RPN2: variants seen among roughly 807,000 people sequenced by gnomAD.
RPN2 encodes the protein dolichyl-diphosphooligosaccharide--protein glycosyltransferase subunit 2.
In RPN2, 29 loss-of-function variants were observed where a neutral mutation model predicts 71.4. That is an observed-to-expected ratio of 0.41 (90% CI 0.30 to 0.55). RPN2 has a LOEUF of 0.55. Ranked by LOEUF, RPN2 falls within the 20% of genes least tolerant of loss-of-function variation. The probability of loss-of-function intolerance (pLI) is 0.35; values close to 1 mark genes in which losing one functional copy is unlikely to be tolerated. For synonymous variants in RPN2, 308 were observed against 305.0 expected (o/e 1.01, Z -0.10); for missense variants, 726 against 774.1 (o/e 0.94, Z 0.74).
Position 37,241,374 on chromosome 20 carries a change from A to AT in RPN2, c.*61dup, listed in dbSNP as rs1466687309. ...ATGTCAAGAAAAGGAGTCAAGAACA[A>AT]TTCACAGTATGAGAAGAAAAATGGA... is the stretch of plus-strand genomic sequence containing the variant. On this transcript the variant is annotated 3_prime_UTR_variant, in exon 17 of 17. Transcript: ENST00000237530. 1 of 1,579,272 alleles carries AT rather than the reference A, an allele frequency of 6.3e-7. No individual in the cohort carries two copies. The highest frequency in any genetic ancestry group is 8.7e-7 in the Non-Finnish European group (1 of 1,151,610).
chr20:37,203,962 T>C lies in RPN2; in HGVS notation c.555+2T>C. 6.2e-7 allele frequency: 1 copy of C among 1,611,346 alleles called. No homozygotes were observed. Among genetic ancestry groups the C allele is most frequent in the Non-Finnish European group, 8.5e-7 (1 of 1,177,588 alleles). Reference sequence around the variant, plus strand: ...AGGAGCATCGTGGAGGAGATTGAGGTGTGAATCTTTTGCCAAATGCATCTC... The same window carrying C: ...AGGAGCATCGTGGAGGAGATTGAGGCGTGAATCTTTTGCCAAATGCATCTC... On this transcript the variant is annotated splice_donor_variant, in intron 5 of 16. Coordinates refer to ENST00000237530, the MANE Select transcript of RPN2 (RefSeq NM_002951.5). LOFTEE classifies it high-confidence loss of function.
chr20:37,230,065 T>A lies in RPN2; in HGVS notation c.1581+6T>A. The A allele has an allele frequency of 6.2e-7, 1 of 1,608,686 alleles. No homozygotes were observed. Among genetic ancestry groups the A allele is most frequent in the Non-Finnish European group, 8.5e-7 (1 of 1,175,012 alleles). On this transcript the variant is annotated splice_donor_region_variant and intron_variant, in intron 13 of 16. Coordinates refer to ENST00000237530, the MANE Select transcript of RPN2 (RefSeq NM_002951.5). ...CTCCAAAACAGGAAATTCAGGTATA[T>A]CCCAAAGGGCCTATCCACTAAACGT... is the stretch of plus-strand genomic sequence containing the variant.
chr20:37,203,864 G>A, intron 4 of RPN2, 21 bp from the exon 5 acceptor site: 1 of 1,591,292 alleles, frequency 6.3e-7, no homozygotes, highest in South Asian at 1.1e-5. Context: ...ATTCATTGGG[G>A]TTCTACTCTT....
At chr20:37,180,808 A>G (rs923885396) in intron 1 of RPN2, among the ~76,000 whole-genome samples, 19 of 152,246 alleles carry the variant, frequency 1.2e-4, no homozygotes, top group African/African-American at 4.6e-4. Context: ...TTATGGCGGT[A>G]GTCTCCCAAC....
In RPN2 at chr20:37,182,362, G is replaced by A. The variant is rs138231160; in HGVS notation, c.14-1818G>A. 4.9e-3 allele frequency among the ~76,000 whole-genome samples: 741 copies of A among 152,118 alleles called. 8 individuals carry two copies. The highest frequency in any genetic ancestry group is 0.017 in the African/African-American group (705 of 41,482). ...GCCCACCTCGGCCTCCCAAAGTGCT[G>A]GGATTACAGGCGTGAGCTACTGTGC... On this transcript the variant is annotated intron_variant, in intron 1 of 16. Transcript: ENST00000237530.
rs1600838784 is a variant in RPN2 at position 37,230,148 on chromosome 20, T to A, written c.1581+89T>A. On this transcript the variant is annotated intron_variant, in intron 13 of 16. Coordinates refer to ENST00000237530, the MANE Select transcript of RPN2 (RefSeq NM_002951.5). ...TGGCTCTGCTCCCTTTAACTTGTTT[T>A]GTGATGTTTTATAGTTTGATCCTCA... The A allele has an allele frequency of 8.7e-6, 9 of 1,028,784 alleles. No homozygotes were observed. The East Asian group carries it at 9.5e-5, about 11-fold the overall frequency. The allele number at this position is 1,028,784 out of a possible 1,614,324, so 63.7% of individuals were successfully genotyped here.
At position 37,223,975 on chromosome 20, in the gene RPN2, T is replaced by A; in HGVS notation, c.1184+6T>A. 6.2e-7 allele frequency: 1 copy of A among 1,612,666 alleles called. No individual in the cohort carries two copies. The highest frequency in any genetic ancestry group is 8.5e-7 in the Non-Finnish European group (1 of 1,178,770). ...ATTGCACCCAAAACTACCCGGTAGG[T>A]GAGATGCCACCTGATCACTCAGGGA... On this transcript the variant is annotated splice_donor_region_variant and intron_variant, in intron 10 of 16. Coordinates refer to ENST00000237530, the MANE Select transcript of RPN2 (RefSeq NM_002951.5).
chr20:37,241,301 A>G lies in RPN2; in HGVS notation c.1884-2A>G, dbSNP rs536537245. On this transcript the variant is annotated splice_acceptor_variant, in intron 16 of 16. Transcript: ENST00000237530. LOFTEE classifies it high-confidence loss of function. Reference sequence around the variant, plus strand: ...TCTGTGTTTGTCTCCATTTTCTTTCAGAACAGCACATTAGTTCCAGAAGAA... The same window carrying G: ...TCTGTGTTTGTCTCCATTTTCTTTCGGAACAGCACATTAGTTCCAGAAGAA... 53 of 1,612,716 alleles carry G rather than the reference A, an allele frequency of 3.3e-5. No individual in the cohort carries two copies. In the South Asian group the frequency reaches 3.7e-4, roughly 11 times the overall value.
intron 9 of RPN2, among the ~76,000 whole-genome samples, chr20:37,218,942 A>G (rs572599551): frequency 6.6e-6 from 1 of 152,228 alleles, no homozygotes; most frequent in East Asian, 1.9e-4. Context: ...CATTTGAGGT[A>G]TTTCTCTTTT....
chr20:37,239,210 A>G (rs990270742), intron 16 of RPN2, among the ~76,000 whole-genome samples: 1 of 152,234 alleles, frequency 6.6e-6, no homozygotes, highest in Non-Finnish European at 1.5e-5. Context: ...CTTGGCACCA[A>G]CTACTCAACT....
Position 37,195,806 on chromosome 20 carries a change from C to T in RPN2, c.208-2591C>T, listed in dbSNP as rs1010568735. On this transcript the variant is annotated intron_variant, in intron 2 of 16. Transcript: ENST00000237530. ...CTCCTTGAGTAGCTTTACTTATTCT[C>T]TTCAGATCCCTAATTGATGCAAAGT... Among the ~76,000 whole-genome samples the T allele has an allele frequency of 5.3e-5, 8 of 152,132 alleles. No homozygotes were observed. The East Asian group carries it at 5.8e-4, about 11-fold the overall frequency.
At chr20:37,181,985 C>T (rs2146500963) in intron 1 of RPN2, among the ~76,000 whole-genome samples, 1 of 152,070 alleles carries the variant, frequency 6.6e-6, no homozygotes, top group Admixed American at 6.5e-5. Context: ...CTTTTGTTTC[C>T]TGCTGTATTT....
chr20:37,216,192 A>T (rs2067799610), intron 9 of RPN2, among the ~76,000 whole-genome samples: 1 of 152,086 alleles, frequency 6.6e-6, no homozygotes, highest in Non-Finnish European at 1.5e-5. Context: ...CACAAAAAGT[A>T]GCCAGGCGTG....
At chr20:37,226,240 T>G (rs1336942874) in intron 11 of RPN2, among the ~76,000 whole-genome samples, 1 of 152,118 alleles carries the variant, frequency 6.6e-6, no homozygotes, top group Non-Finnish European at 1.5e-5. Context: ...GCCCAGCTAA[T>G]TTTTGTATTT....
At chr20:37,236,470 T>C (rs975932385) in intron 15 of RPN2, 110 bp from the exon 16 acceptor site, 11 of 1,134,854 alleles carry the variant, frequency 9.7e-6, no homozygotes, top group Non-Finnish European at 1.4e-5. Flanking sequence ...CAAGCTGGTA[T>C]AGGAGTACAG....
Position 37,223,956 on chromosome 20 carries a change from C to T in RPN2, c.1171C>T (p.Pro391Ser). 1 of 1,613,956 alleles carries T rather than the reference C, an allele frequency of 6.2e-7. No homozygotes were observed. Among genetic ancestry groups the T allele is most frequent in the Non-Finnish European group, 8.5e-7 (1 of 1,179,856 alleles). The change falls in exon 10 of 17, where the codon CCC (proline) becomes TCC (serine). Residue 391 changes from proline (P) to serine (S), a missense_variant. Physicochemically the swap from Pro to Ser is moderately conservative, Grantham distance 74. Transcript: ENST00000237530. The part of the protein sequence containing the change: ...STVDKDQSIA[P>S]KTTRVTYPAK... ...CGTGGATAAGGATCAGAGCATTGCA[C>T]CCAAAACTACCCGGTAGGTGAGATG...
intron 2 of RPN2, among the ~76,000 whole-genome samples, chr20:37,188,620 C>CTTT (rs11479251): frequency 7.0e-6 from 1 of 143,154 alleles, no homozygotes; most frequent in Non-Finnish European, 1.5e-5. Flanking sequence ...CAATTGGTGT[C>CTTT]TTTTTTTTTT....
intron 4 of RPN2, 96 bp downstream of exon 4, chr20:37,199,321 A>G (rs2067328242): frequency 6.9e-7 from 1 of 1,454,186 alleles, no homozygotes; most frequent in Admixed American, 1.9e-5. Context: ...TTTCTGGGCA[A>G]GTACTTGCAG....
At position 37,241,353 on chromosome 20, in the gene RPN2, C is replaced by T; in HGVS notation, c.*38C>T. The T allele has an allele frequency of 6.2e-7, 1 of 1,605,874 alleles. No homozygotes were observed. ...GATGGAAATTCTGAAAACTGAATGT[C>T]AAGAAAAGGAGTCAAGAACAATTCA... On this transcript the variant is annotated 3_prime_UTR_variant, in exon 17 of 17. Coordinates refer to ENST00000237530, the MANE Select transcript of RPN2 (RefSeq NM_002951.5).
Sources: gnomAD v4.1 joint callset for allele counts (sites outside exome capture counted in the v4.1 genomes callset) on GRCh38, gnomAD v4.1.1 for gene constraint, MANE v1.5 for transcripts, NCBI Gene and HGNC (gene_info 2026-07-23, HGNC 2026-07-21) for gene names.